The following PRKCA variants were observed in gnomAD, a reference collection of about 807,000 sequenced individuals.
PRKCA encodes protein kinase C alpha type.
A neutral mutation model predicts 87.0 loss-of-function variants in PRKCA; 27 were observed. That is an observed-to-expected ratio of 0.31 (90% confidence interval 0.23 to 0.43). The LOEUF (loss-of-function observed/expected upper bound fraction) is 0.43, where lower values mean the gene tolerates loss of function less well. PRKCA is among the 20% of genes least tolerant of loss of function. PRKCA has a pLI of 1.00. For missense variants in PRKCA, 518 were observed against 852.3 expected, an observed-to-expected ratio of 0.61 and a Z score of 4.88; for synonymous variants, 329 against 311.1, an observed-to-expected ratio of 1.06 and a Z score of -0.61.
intron 2 of PRKCA, among the ~76,000 whole-genome samples, chr17:66,410,367 G>A (rs1037061331): frequency 6.6e-6 from 1 of 152,138 alleles, no homozygotes; most frequent in Non-Finnish European, 1.5e-5. Context: ...GACGTGGCTG[G>A]TCTGTGTTGC....
At chr17:66,383,177 GCTTTT>G (rs1483841200) in intron 2 of PRKCA, among the ~76,000 whole-genome samples, 1 of 151,744 alleles carries the variant, frequency 6.6e-6, no homozygotes, top group Admixed American at 6.6e-5. Flanking sequence ...TGTGTATTTG[GCTTTT>G]CTTTTTCTTT....
At chr17:66,774,287 T>G (rs959509225) in intron 14 of PRKCA, 1 of 1,394,804 alleles carries the variant, frequency 7.2e-7, no homozygotes, top group Admixed American at 2.7e-5. Context: ...AATTGAAAGC[T>G]ACAACCTGGA....
intron 10 of PRKCA, among the ~76,000 whole-genome samples, chr17:66,736,925 T>A (rs62072413): frequency 0.077 from 11,712 of 152,182 alleles, 1,003 homozygotes; most frequent in African/African-American, 0.21. Flanking sequence ...CAGCCTAAAA[T>A]ATTAATACAT....
chr17:66,797,086 C>A, intron 16 of PRKCA: 1 of 790,726 alleles, frequency 1.3e-6, no homozygotes, highest in Non-Finnish European at 1.5e-6. Context: ...GACTGAGACG[C>A]CGAGGTAAAG....
In PRKCA at chr17:66,645,464, G is replaced by A. The variant is rs1303564138; in HGVS notation, c.482G>A (p.Arg161Gln). ...ATGGATCACACTGAGAAGAGGGGGC[G>A]GATTTACCTAAAGGCTGAGGTTGCT... Reference protein sequence around the residue: ...CGMDHTEKRGRIYLKAEVADE... With the variant: ...CGMDHTEKRGQIYLKAEVADE... Residue 161 changes from arginine (R) to glutamine (Q), a missense_variant, in exon 5 of 17, where the codon CGG becomes CAG. Around this residue, in one of 5 missense-constraint regions of PRKCA, gnomAD observed 300 missense variants for 496.8 expected, o/e 0.60. Coordinates refer to ENST00000413366, the MANE Select transcript of PRKCA (RefSeq NM_002737.3). 1 of 1,614,150 alleles carries A rather than the reference G, an allele frequency of 6.2e-7. No homozygotes were observed. Among genetic ancestry groups the A allele is most frequent in the Non-Finnish European group, 8.5e-7 (1 of 1,180,026 alleles).
chr17:66,724,052 G>A (rs1216359780), intron 8 of PRKCA, among the ~76,000 whole-genome samples: 1 of 152,182 alleles, frequency 6.6e-6, no homozygotes, highest in African/African-American at 2.4e-5. Flanking sequence ...AACCTTAAAT[G>A]TGCACAGGAC....
In PRKCA at chr17:66,808,297, GA is replaced by G; in HGVS notation, c.*4261del. 1 of 143,380 alleles carries G rather than the reference GA, an allele frequency of 7.0e-6. No homozygotes were observed. The highest frequency in any genetic ancestry group is 2.3e-4 in the South Asian group (1 of 4,386). The allele number at this position is 143,380 out of a possible 1,614,324, so 8.9% of individuals were successfully genotyped here. Reference sequence around the variant, plus strand: ...GTTCCACTTAGCAGGAGACATTTCGGAGGGTTTTTTTTGTTTTTGTTCCTGT... The same window carrying G: ...GTTCCACTTAGCAGGAGACATTTCGGGGGTTTTTTTTGTTTTTGTTCCTGT... On this transcript the variant is annotated 3_prime_UTR_variant, in exon 17 of 17. Coordinates refer to ENST00000413366, the MANE Select transcript of PRKCA (RefSeq NM_002737.3).
chr17:66,577,500 C>T (rs980537822), intron 3 of PRKCA, among the ~76,000 whole-genome samples: 1 of 152,088 alleles, frequency 6.6e-6, no homozygotes, highest in East Asian at 1.9e-4. Flanking sequence ...TGACTTCTGG[C>T]TCTCCTGACT....
intron 3 of PRKCA, among the ~76,000 whole-genome samples, chr17:66,506,134 A>G (rs1916965814): frequency 6.6e-6 from 1 of 152,100 alleles, no homozygotes; most frequent in African/African-American, 2.4e-5. Flanking sequence ...CATCTCTACT[A>G]AAATTACAAA....
chr17:66,710,204 C>T (rs867991266), intron 8 of PRKCA, among the ~76,000 whole-genome samples: 1 of 152,066 alleles, frequency 6.6e-6, no homozygotes, highest in Non-Finnish European at 1.5e-5. Flanking sequence ...ATGAGACCTG[C>T]ACCTGGGGTG....
At position 66,772,187 on chromosome 17, in the gene PRKCA, C is replaced by A. The variant is rs191739662; in HGVS notation, c.1525-1800C>A. ...ATCCCCGGGTAATAGACTGGAGACTCATTTCTTGGGGTTTCTTATGTGTGT... is the reference window on the plus strand; with the variant it reads ...ATCCCCGGGTAATAGACTGGAGACTAATTTCTTGGGGTTTCTTATGTGTGT... On this transcript the variant is annotated intron_variant, in intron 13 of 16. Transcript: ENST00000413366. 2.6e-5 allele frequency among the ~76,000 whole-genome samples: 4 copies of A among 152,230 alleles called. No individual in the cohort carries two copies. The South Asian group carries it at 8.3e-4, about 32-fold the overall frequency.
chr17:66,621,940 A>G (rs1385086435), intron 3 of PRKCA, among the ~76,000 whole-genome samples: 1 of 152,120 alleles, frequency 6.6e-6, no homozygotes, highest in Non-Finnish European at 1.5e-5. Flanking sequence ...AGTGGCTCCT[A>G]CCTCTAATCC....
intron 13 of PRKCA, among the ~76,000 whole-genome samples, chr17:66,763,271 G>T (rs1234207832): frequency 1.3e-5 from 2 of 152,210 alleles, no homozygotes; most frequent in African/African-American, 4.8e-5. Context: ...GGGTACAGAA[G>T]TGGATGGCCC....
chr17:66,791,247 G>T (rs1975527193), intron 16 of PRKCA, among the ~76,000 whole-genome samples: 1 of 150,212 alleles, frequency 6.7e-6, no homozygotes, highest in Admixed American at 6.7e-5. Flanking sequence ...CTCACAAACG[G>T]AGGCAGAAAT....
At chr17:66,371,970 G>C (rs1420906231) in intron 2 of PRKCA, among the ~76,000 whole-genome samples, 1 of 152,242 alleles carries the variant, frequency 6.6e-6, no homozygotes, top group Non-Finnish European at 1.5e-5. Context: ...GTAGAAAAGT[G>C]AGACGCTGTA....
chr17:66,512,913 G>C (rs1038521882), intron 3 of PRKCA, among the ~76,000 whole-genome samples: 7 of 152,120 alleles, frequency 4.6e-5, no homozygotes, highest in African/African-American at 1.7e-4. Context: ...GGCTGATCTA[G>C]AACTCCTGGC....
chr17:66,757,667 A>G (rs1974582917), intron 13 of PRKCA, among the ~76,000 whole-genome samples: 1 of 152,100 alleles, frequency 6.6e-6, no homozygotes, highest in Admixed American at 6.5e-5. Flanking sequence ...AGACAAAAAC[A>G]AAGGAAATGT....
In PRKCA at chr17:66,350,656, G is replaced by A. The variant is rs887995173; in HGVS notation, c.205+44529G>A. ...TCCCACCTCAGCCTCCCAAGTAGCT[G>A]GGACTATAGGTGCACACAACCACAC... On this transcript the variant is annotated intron_variant, in intron 2 of 16. Transcript: ENST00000413366. 2.0e-5 allele frequency among the ~76,000 whole-genome samples: 3 copies of A among 152,048 alleles called. No individual in the cohort carries two copies. The East Asian group carries it at 5.8e-4, about 29-fold the overall frequency.
At chr17:66,740,314 T>A (rs1974129494) in intron 11 of PRKCA, among the ~76,000 whole-genome samples, 1 of 152,046 alleles carries the variant, frequency 6.6e-6, no homozygotes, top group African/African-American at 2.4e-5. Context: ...CTGGAAAACA[T>A]CATCTCACCT....
Sources: allele counts gnomAD v4.1 joint callset (sites outside exome capture counted in the v4.1 genomes callset), GRCh38; gene constraint gnomAD v4.1.1; regional missense constraint gnomAD v4.1.1; transcripts MANE v1.5; gene names NCBI Gene and HGNC (gene_info 2026-07-23, HGNC 2026-07-21).